Variants in CALD1 observed in about 807,000 individuals in gnomAD.
CALD1 encodes the protein caldesmon 1.
A neutral mutation model predicts 99.9 loss-of-function variants in CALD1; 33 were observed. The ratio of observed to expected loss-of-function variants is 0.33; its 90% confidence interval spans 0.25 to 0.44. The LOEUF (loss-of-function observed/expected upper bound fraction) is 0.44. CALD1 is among the 20% of genes least tolerant of loss of function. CALD1 has a pLI of 1.00. For synonymous variants in CALD1, 310 were observed against 325.0 expected (o/e 0.95, Z 0.50); for missense variants, 861 against 962.1 (o/e 0.89, Z 1.39).
chr7:134,804,489 A>C (rs185775026), intron 1 of CALD1, among the ~76,000 whole-genome samples: 3 of 152,160 alleles, frequency 2.0e-5, no homozygotes, highest in Non-Finnish European at 4.4e-5. Context: ...TGCTGTTCTA[A>C]ATCTTCACTT....
At chr7:134,917,066 G>A (rs949428075) in intron 3 of CALD1, among the ~76,000 whole-genome samples, 8 of 152,178 alleles carry the variant, frequency 5.3e-5, no homozygotes, top group Admixed American at 4.6e-4. Context: ...GAGCAGGTGT[G>A]ATTCAGTTGC....
chr7:134,892,624 C>T (rs962781174), intron 3 of CALD1, among the ~76,000 whole-genome samples: 1 of 152,166 alleles, frequency 6.6e-6, no homozygotes, highest in Non-Finnish European at 1.5e-5. Context: ...ATTAGCAGAT[C>T]TCTTGGAGAG....
the CALD1 span, among the ~76,000 whole-genome samples, chr7:134,738,785 T>C: frequency 6.6e-6 from 1 of 152,216 alleles, no homozygotes; most frequent in African/African-American, 2.4e-5. Context: ...TTGATCAGCA[T>C]ACCTACTGCT....
At chr7:134,790,095 G>GAA (rs982373709) in intron 1 of CALD1, among the ~76,000 whole-genome samples, 6 of 150,484 alleles carry the variant, frequency 4.0e-5, no homozygotes, top group Non-Finnish European at 8.9e-5. Flanking sequence ...GAGAGAGAGA[G>GAA]AGAGAGAGAG....
intron 9 of CALD1, among the ~76,000 whole-genome samples, chr7:134,955,325 T>C (rs1332125648): frequency 2.0e-5 from 3 of 152,138 alleles, no homozygotes; most frequent in South Asian, 2.1e-4. Context: ...GAGGTGGAGA[T>C]TGCAGTGAGC....
chr7:134,802,961 T>C (rs778411642), intron 1 of CALD1, among the ~76,000 whole-genome samples: 2 of 152,228 alleles, frequency 1.3e-5, no homozygotes, highest in African/African-American at 2.4e-5. Flanking sequence ...TTACAAGAAA[T>C]TGCCAAACTG....
intron 3 of CALD1, among the ~76,000 whole-genome samples, chr7:134,909,798 C>T: frequency 6.6e-6 from 1 of 152,020 alleles, no homozygotes; most frequent in Admixed American, 6.6e-5. Context: ...ATGATATTAT[C>T]CAAGGAGCAT....
chr7:134,743,963 C>G (rs925452713), upstream of CALD1, among the ~76,000 whole-genome samples: 3 of 152,160 alleles, frequency 2.0e-5, no homozygotes, highest in Admixed American at 2.0e-4. Flanking sequence ...CTGATACAAT[C>G]AATGAAAAAT....
intron 1 of CALD1, among the ~76,000 whole-genome samples, chr7:134,781,394 A>G (rs886628591): frequency 6.6e-6 from 1 of 151,988 alleles, no homozygotes; most frequent in Non-Finnish European, 1.5e-5. Context: ...CAGATCCCCC[A>G]TCCCCCTTCT....
intron 3 of CALD1, among the ~76,000 whole-genome samples, chr7:134,889,924 T>G (rs918683849): frequency 1.3e-5 from 2 of 152,230 alleles, no homozygotes; most frequent in African/African-American, 4.8e-5. Context: ...TTTTTTGTTT[T>G]TTGAGATGGA....
In CALD1 at chr7:134,938,024, G is replaced by A. The variant is rs558285573; in HGVS notation, c.1386+2259G>A. The stretch of plus-strand genomic sequence containing the variant: ...ATTAAAAGTGATGTTCGTGTCATGC[G>A]GATCAATCCTGCCCAAACATTAGTG... On this transcript the variant is annotated intron_variant, in intron 6 of 14. Coordinates refer to ENST00000361675, the MANE Select transcript of CALD1 (RefSeq NM_033138.4). Among the ~76,000 whole-genome samples, 5 of 152,252 alleles carry A rather than the reference G, an allele frequency of 3.3e-5. No homozygotes were observed. The East Asian group carries it at 7.7e-4, about 23-fold the overall frequency.
intron 1 of CALD1, among the ~76,000 whole-genome samples, chr7:134,748,708 T>TACCCCC (rs1562988094): frequency 7.6e-6 from 1 of 132,276 alleles, no homozygotes; most frequent in Non-Finnish European, 1.6e-5. Flanking sequence ...TGAAACTCCA[T>TACCCCC]CCCCCCGCCC....
intron 9 of CALD1, among the ~76,000 whole-genome samples, chr7:134,952,197 A>G: frequency 6.6e-6 from 1 of 152,044 alleles, no homozygotes; most frequent in Admixed American, 6.5e-5. Context: ...GGTATTTGGG[A>G]GGCTGAGGCA....
chr7:134,848,240 T>C (rs1184117705), intron 2 of CALD1, among the ~76,000 whole-genome samples: 1 of 152,204 alleles, frequency 6.6e-6, no homozygotes, highest in African/African-American at 2.4e-5. Flanking sequence ...AAACATATTT[T>C]AGCCCAAACT....
intron 1 of CALD1, among the ~76,000 whole-genome samples, chr7:134,785,818 T>G (rs1254392410): frequency 6.6e-6 from 1 of 152,188 alleles, no homozygotes; most frequent in African/African-American, 2.4e-5. Context: ...CTTCTAATAT[T>G]TGGGGTACTT....
chr7:134,748,527 T>C (rs1402546748), intron 1 of CALD1, among the ~76,000 whole-genome samples: 2 of 152,238 alleles, frequency 1.3e-5, no homozygotes, highest in Admixed American at 6.5e-5. Flanking sequence ...CTGGCCAACA[T>C]GGTGAAGCCC....
At chr7:134,791,781 A>G (rs568517815) in intron 1 of CALD1, among the ~76,000 whole-genome samples, 2 of 152,360 alleles carry the variant, frequency 1.3e-5, no homozygotes, top group East Asian at 1.9e-4. Context: ...GAGACTGGGT[A>G]ATTTATAAAG....
In CALD1 at chr7:134,753,724, C is replaced by T. The variant is rs189221679; in HGVS notation, c.-130+9361C>T. Among the ~76,000 whole-genome samples the T allele has an allele frequency of 1.4e-4, 22 of 152,280 alleles. 1 individual carries two copies. In the East Asian group the frequency reaches 4.2e-3, roughly 29 times the overall value. On this transcript the variant is annotated intron_variant, in intron 1 of 13. Coordinates refer to the CALD1 transcript ENST00000417172. ...TCTTCCCATTCTTGCTGCCCTTTCT[C>T]CTTCATGTTCTTTATTCTCCTGCCT... is the stretch of plus-strand genomic sequence containing the variant.
Position 134,969,037 on chromosome 7 carries a change from T to G in CALD1, c.*692T>G, listed in dbSNP as rs75771735. ...ACATTTTAGATAACTCAATTATGTA[T>G]GTATGTGCATACACATATACAAACA... On this transcript the variant is annotated 3_prime_UTR_variant, in exon 15 of 15. Transcript: ENST00000361675. 7.9e-3 allele frequency: 1,295 copies of G among 164,634 alleles called. 11 individuals are homozygous for G. The highest frequency in any genetic ancestry group is 0.012 in the Non-Finnish European group (849 of 73,688). The allele number at this position is 164,634 out of a possible 1,614,324, so 10.2% of individuals were successfully genotyped here.
Sources: gnomAD v4.1 joint callset for allele counts (sites outside exome capture counted in the v4.1 genomes callset) on GRCh38, gnomAD v4.1.1 for gene constraint, MANE v1.5 for transcripts, NCBI Gene and HGNC (gene_info 2026-07-23, HGNC 2026-07-21) for gene names.